Variants in SEM1 observed in about 807,000 individuals in gnomAD.
SEM1 encodes the protein SEM1 26S proteasome subunit.
A neutral mutation model predicts 12.7 loss-of-function variants in SEM1; 3 were observed. The observed-to-expected ratio is 0.24, with a 90% CI of 0.11 to 0.61. The LOEUF (loss-of-function observed/expected upper bound fraction) is 0.61, where lower values mean the gene tolerates loss of function less well. SEM1 is among the 20% of genes least tolerant of loss of function. The pLI is 0.88. For missense variants in SEM1, 59 were observed against 81.3 expected (o/e 0.73, Z 1.06); for synonymous variants, 30 against 27.8 (o/e 1.08, Z -0.25).
At chr7:96,627,172 C>A (rs1264004417) in intron 2 of SEM1, among the ~76,000 whole-genome samples, 4 of 151,956 alleles carry the variant, frequency 2.6e-5, no homozygotes, top group African/African-American at 7.2e-5. Context: ...GTTATTTTGG[C>A]AGAAGTTTTG....
At chr7:96,529,649 T>C (rs942513551) in intron 2 of SEM1, among the ~76,000 whole-genome samples, 17 of 152,130 alleles carry the variant, frequency 1.1e-4, no homozygotes, top group African/African-American at 3.4e-4. Flanking sequence ...GAAGAAGGGT[T>C]CTCACTTAGA....
chr7:96,702,354 T>G (rs1285662250), intron 1 of SEM1, among the ~76,000 whole-genome samples: 1 of 152,170 alleles, frequency 6.6e-6, no homozygotes, highest in Non-Finnish European at 1.5e-5. Context: ...GTGAAGACCC[T>G]GCATTCTAAA....
intron 2 of SEM1, 122 bp downstream of exon 2, chr7:96,694,676 A>T: frequency 1.6e-6 from 1 of 609,980 alleles, no homozygotes; most frequent in Non-Finnish European, 2.9e-6. Context: ...CTTACTTTAC[A>T]CAGTTCAAAA....
At chr7:96,682,045 T>C (rs1467249604) in intron 2 of SEM1, among the ~76,000 whole-genome samples, 1 of 152,166 alleles carries the variant, frequency 6.6e-6, no homozygotes, top group Non-Finnish European at 1.5e-5. Context: ...TTTGTTTGTG[T>C]CCTCTCTTAT....
intron 2 of SEM1, among the ~76,000 whole-genome samples, chr7:96,628,354 T>G (rs575028200): frequency 1.3e-5 from 2 of 152,214 alleles, no homozygotes; most frequent in Admixed American, 1.3e-4. Flanking sequence ...AGTGAAAGTT[T>G]TTTCCTCTGG....
intron 2 of SEM1, among the ~76,000 whole-genome samples, chr7:96,550,411 G>C (rs1805232173): frequency 6.6e-6 from 1 of 152,118 alleles, no homozygotes; most frequent in African/African-American, 2.4e-5. Flanking sequence ...TTTCTGAACT[G>C]CATTTATTAT....
chr7:96,578,985 A>G (rs773948863), intron 2 of SEM1, among the ~76,000 whole-genome samples: 1 of 152,184 alleles, frequency 6.6e-6, no homozygotes, highest in African/African-American at 2.4e-5. Context: ...GAATGTCACA[A>G]TTATGCCTTA....
chr7:96,580,035 T>C (rs1480259188), intron 2 of SEM1, among the ~76,000 whole-genome samples: 1 of 151,120 alleles, frequency 6.6e-6, no homozygotes, highest in Non-Finnish European at 1.5e-5. Context: ...TAGTTACATA[T>C]GTATACATGT....
intron 2 of SEM1, among the ~76,000 whole-genome samples, chr7:96,562,004 C>A (rs1328008952): frequency 6.6e-6 from 1 of 152,134 alleles, no homozygotes; most frequent in Non-Finnish European, 1.5e-5. Context: ...ATAAGGAAGG[C>A]CTGGTTATTC....
chr7:96,683,545 A>C (rs1214997067), intron 2 of SEM1, among the ~76,000 whole-genome samples: 1 of 152,194 alleles, frequency 6.6e-6, no homozygotes, highest in African/African-American at 2.4e-5. Context: ...TATATACCCA[A>C]AGGATTATAA....
At chr7:96,677,373 G>A (rs1789477719) in intron 2 of SEM1, among the ~76,000 whole-genome samples, 1 of 152,134 alleles carries the variant, frequency 6.6e-6, no homozygotes, top group Non-Finnish European at 1.5e-5. Context: ...TTAGGTTTTG[G>A]ACTTTGAGAC....
At chr7:96,635,971 G>A (rs553925145) in intron 2 of SEM1, among the ~76,000 whole-genome samples, 118 of 152,116 alleles carry the variant, frequency 7.8e-4, no homozygotes, top group African/African-American at 2.7e-3. Flanking sequence ...CTAACTGGTA[G>A]TATAATGTGT....
At chr7:96,538,313 T>G (rs1209619798) in intron 2 of SEM1, among the ~76,000 whole-genome samples, 1 of 151,822 alleles carries the variant, frequency 6.6e-6, no homozygotes. Flanking sequence ...TGAGCCTAAT[T>G]CAGATAGTTG....
At chr7:96,585,705 A>G (rs1806604493) in intron 2 of SEM1, among the ~76,000 whole-genome samples, 1 of 151,552 alleles carries the variant, frequency 6.6e-6, no homozygotes, top group Admixed American at 6.6e-5. Context: ...AAAGTGCAGT[A>G]TTCGGGTGGG....
At chr7:96,515,537 A>C (rs1434389281) in intron 2 of SEM1, among the ~76,000 whole-genome samples, 1 of 152,214 alleles carries the variant, frequency 6.6e-6, no homozygotes, top group Non-Finnish European at 1.5e-5. Flanking sequence ...TATATACCCA[A>C]AGGATTATAA....
At chr7:96,628,581 A>G (rs1446480466) in intron 2 of SEM1, among the ~76,000 whole-genome samples, 1 of 152,170 alleles carries the variant, frequency 6.6e-6, no homozygotes, top group African/African-American at 2.4e-5. Flanking sequence ...TTGTATTTAT[A>G]TCTTACTATA....
intron 2 of SEM1, among the ~76,000 whole-genome samples, chr7:96,692,862 T>C (rs1789969791): frequency 6.6e-6 from 1 of 152,060 alleles, no homozygotes; most frequent in South Asian, 2.1e-4. Flanking sequence ...GATAACTGCA[T>C]TAAGGCAGTT....
intron 2 of SEM1, among the ~76,000 whole-genome samples, chr7:96,675,553 C>T (rs1789428911): frequency 6.6e-6 from 1 of 152,136 alleles, no homozygotes; most frequent in Admixed American, 6.6e-5. Context: ...CCAGTTCTCT[C>T]CACACATACA....
chr7:96,676,428 C>G (rs1052941754), intron 2 of SEM1, among the ~76,000 whole-genome samples: 2 of 152,076 alleles, frequency 1.3e-5, no homozygotes, highest in African/African-American at 2.4e-5. Context: ...CAGTCTGTTA[C>G]CTATTATTTA....
Sources: gnomAD v4.1 joint callset for allele counts (sites outside exome capture counted in the v4.1 genomes callset) on GRCh38, gnomAD v4.1.1 for gene constraint, MANE v1.5 for transcripts, NCBI Gene and HGNC (gene_info 2026-07-23, HGNC 2026-07-21) for gene names.